CAMTA1: variants seen among roughly 807,000 people sequenced by gnomAD.
CAMTA1 encodes calmodulin binding transcription activator 1.
A neutral mutation model predicts 170.9 loss-of-function variants in CAMTA1; 27 were observed. The ratio of observed to expected loss-of-function variants is 0.16; its 90% CI spans 0.12 to 0.22. The LOEUF (loss-of-function observed/expected upper bound fraction) is 0.22. Ranked by LOEUF, CAMTA1 falls within the 10% of genes least tolerant of loss-of-function variation. The pLI is 1.00. For synonymous variants in CAMTA1, 833 were observed against 891.5 expected, an observed-to-expected ratio of 0.93 and a Z score of 1.17; for missense variants, 1,619 against 2,217.2, an observed-to-expected ratio of 0.73 and a Z score of 5.42.
At chr1:7,607,894 T>C (rs982064806) in intron 6 of CAMTA1, among the ~76,000 whole-genome samples, 7 of 152,148 alleles carry the variant, frequency 4.6e-5, no homozygotes, top group African/African-American at 1.7e-4. Context: ...TTGGCTTTTG[T>C]TGGAGTAGAC....
intron 5 of CAMTA1, among the ~76,000 whole-genome samples, chr1:7,402,245 C>T (rs765078078): frequency 5.3e-5 from 8 of 152,176 alleles, no homozygotes; most frequent in Non-Finnish European, 8.8e-5. Flanking sequence ...AGGTCTCCAG[C>T]GGCTTTCCTC....
chr1:6,987,982 A>G (rs1025464617), intron 3 of CAMTA1, among the ~76,000 whole-genome samples: 1 of 152,090 alleles, frequency 6.6e-6, no homozygotes, highest in Non-Finnish European at 1.5e-5. Context: ...TGACTCCAGC[A>G]CCAGACCAGC....
Position 7,663,404 on chromosome 1 carries a change from T to C in CAMTA1, c.857T>C (p.Ile286Thr). Reference protein sequence around the residue: ...HKCNSAKHRIISPKVEPRTGG... With the variant: ...HKCNSAKHRITSPKVEPRTGG... ...TGTAACAGCGCCAAACACCGCATCA[T>C]CTCGCCCAAGGTGGAGCCACGGACA... The change falls in exon 9 of 23, where the codon ATC (isoleucine) becomes ACC (threonine). Residue 286 changes from isoleucine (I) to threonine (T), a missense_variant. Ile to Thr is a moderately conservative substitution (Grantham distance 89, BLOSUM62 -1). Transcript: ENST00000303635. The C allele has an allele frequency of 6.5e-7, 1 of 1,547,082 alleles. No individual in the cohort carries two copies. The highest frequency in any genetic ancestry group is 1.4e-5 in the African/African-American group (1 of 73,446).
Position 7,748,336 on chromosome 1 carries a change from C to T in CAMTA1, c.4689+555C>T, listed in dbSNP as rs1179296180. ...TCCCAGCTCCTCAAGAGGCTGAGGC[C>T]GGAGGATCTTCTTGAACCCAGGTGT... On this transcript the variant is annotated intron_variant, in intron 19 of 22. Coordinates refer to ENST00000303635, the MANE Select transcript of CAMTA1 (RefSeq NM_015215.4). The surrounding 1 kb of genome is among the most constrained non-coding windows in gnomAD (Gnocchi z 4.7). 3.3e-5 allele frequency among the ~76,000 whole-genome samples: 5 copies of T among 152,034 alleles called. No individual in the cohort carries two copies. The highest frequency in any genetic ancestry group is 4.4e-5 in the Non-Finnish European group (3 of 68,010).
chr1:6,786,228 A>G (rs1283721414), intron 1 of CAMTA1, among the ~76,000 whole-genome samples: 1 of 151,766 alleles, frequency 6.6e-6, no homozygotes, highest in African/African-American at 2.4e-5. Flanking sequence ...CCTCGGCCGA[A>G]GGGCCTCGTG....
Position 7,146,988 on chromosome 1 carries a change from C to T in CAMTA1, c.302+55617C>T, listed in dbSNP as rs143547656. Among the ~76,000 whole-genome samples, 10 of 151,998 alleles carry T rather than the reference C, an allele frequency of 6.6e-5. No homozygotes were observed. In the East Asian group the frequency reaches 1.9e-3, roughly 29 times the overall value. On this transcript the variant is annotated intron_variant, in intron 4 of 22. Transcript: ENST00000303635. The surrounding 1 kb of genome is among the most constrained non-coding windows in gnomAD (Gnocchi z 4.3). ...TGCCGTGCACACACACAGAAAGTTA[C>T]AGCACGCACACACGCACTCAAACAT...
chr1:7,521,550 C>CTT (rs1038730476), intron 6 of CAMTA1, among the ~76,000 whole-genome samples: 4 of 147,774 alleles, frequency 2.7e-5, no homozygotes, highest in African/African-American at 9.9e-5. Context: ...TCCACAGTTC[C>CTT]TTTTTTTTTT....
chr1:7,170,294 CT>C (rs750800065), intron 4 of CAMTA1, among the ~76,000 whole-genome samples: 2,116 of 131,904 alleles, frequency 0.016, 24 homozygotes, highest in South Asian at 0.054. Context: ...AAATGGGTTT[CT>C]TTTTTTTTTT....
chr1:7,581,328 G>C (rs873433), intron 6 of CAMTA1, among the ~76,000 whole-genome samples: 39,868 of 152,214 alleles, frequency 0.26, 9,434 homozygotes, highest in African/African-American at 0.64. Flanking sequence ...AACAGTGTCC[G>C]TTCTCTCACA....
rs1386118846 is a variant in CAMTA1 at position 7,144,254 on chromosome 1, TGTGTGTGTTTGTGTGTATGA to T, written c.302+52911_302+52930del. On this transcript the variant is annotated intron_variant, in intron 4 of 22. Coordinates refer to ENST00000303635, the MANE Select transcript of CAMTA1 (RefSeq NM_015215.4). The surrounding 1 kb of genome is among the most constrained non-coding windows in gnomAD (Gnocchi z 4.0). Reference sequence around the variant, plus strand: ...TTTTCTAAGTGTGTGTGTGTGTGTATGTGTGTGTTTGTGTGTATGAGTGTGTGTTTGTGTGTATGAGTGTG... The same window carrying T: ...TTTTCTAAGTGTGTGTGTGTGTGTATGTGTGTGTTTGTGTGTATGAGTGTG... Among the ~76,000 whole-genome samples, 4 of 151,608 alleles carry T rather than the reference TGTGTGTGTTTGTGTGTATGA, an allele frequency of 2.6e-5. No homozygotes were observed. Among genetic ancestry groups the T allele is most frequent in the African/African-American group, 7.3e-5 (3 of 40,926 alleles).
At chr1:7,295,937 G>A (rs559219826) in intron 5 of CAMTA1, among the ~76,000 whole-genome samples, 1 of 152,212 alleles carries the variant, frequency 6.6e-6, no homozygotes, top group Non-Finnish European at 1.5e-5. Flanking sequence ...CTCCCACTCA[G>A]GGCTCCTTAC....
chr1:7,194,417 T>C (rs901137512), intron 4 of CAMTA1, among the ~76,000 whole-genome samples: 1 of 151,238 alleles, frequency 6.6e-6, no homozygotes, highest in African/African-American at 2.5e-5. Context: ...TATTTAAATA[T>C]TTATACGTGA....
chr1:7,413,297 C>T (rs1325412805), intron 5 of CAMTA1, among the ~76,000 whole-genome samples: 3 of 151,996 alleles, frequency 2.0e-5, no homozygotes, highest in East Asian at 1.9e-4. Context: ...GTGAAGAAAG[C>T]CATTGGTAGC....
intron 2 of CAMTA1, among the ~76,000 whole-genome samples, chr1:6,824,420 A>G (rs545839517): frequency 6.6e-6 from 1 of 152,280 alleles, no homozygotes; most frequent in South Asian, 2.1e-4. Context: ...TCTGAAAGTA[A>G]TTATTTTTTC....
chr1:7,274,618 A>T (rs1670316785), intron 5 of CAMTA1, among the ~76,000 whole-genome samples: 2 of 152,200 alleles, frequency 1.3e-5, no homozygotes, highest in Admixed American at 1.3e-4. Flanking sequence ...ATAAATACCC[A>T]ACAGTGGCAG....
At chr1:6,854,973 C>G (rs1358543787) in intron 3 of CAMTA1, among the ~76,000 whole-genome samples, 2 of 152,016 alleles carry the variant, frequency 1.3e-5, no homozygotes, top group Non-Finnish European at 2.9e-5. Context: ...TCACTGTCAC[C>G]AATTCTGTTT....
chr1:6,786,018 C>T (rs895199977), intron 1 of CAMTA1, among the ~76,000 whole-genome samples: 2 of 151,572 alleles, frequency 1.3e-5, no homozygotes, highest in Non-Finnish European at 3.0e-5. Context: ...GTCCTCCTGG[C>T]CCCGCGCCCC....
chr1:7,149,622 C>A (rs574207818), intron 4 of CAMTA1, among the ~76,000 whole-genome samples: 2 of 152,140 alleles, frequency 1.3e-5, no homozygotes, highest in Non-Finnish European at 2.9e-5. Context: ...GTTGGCGATG[C>A]GAGTTTTTAG....
At chr1:7,244,153 C>T (rs1045865071) in intron 4 of CAMTA1, among the ~76,000 whole-genome samples, 10 of 152,296 alleles carry the variant, frequency 6.6e-5, no homozygotes, top group African/African-American at 2.4e-4. Context: ...CTCATCATCA[C>T]TGGCCATCAG....
Sources: allele counts gnomAD v4.1 joint callset (sites outside exome capture counted in the v4.1 genomes callset), GRCh38; gene constraint gnomAD v4.1.1; non-coding constraint Gnocchi (gnomAD v3.1); transcripts MANE v1.5; gene names NCBI Gene and HGNC (gene_info 2026-07-23, HGNC 2026-07-21).